VWA8: variants seen among roughly 807,000 people sequenced by gnomAD.
VWA8 encodes von Willebrand factor A domain containing 8, also known as von Willebrand factor A domain-containing protein 8.
In VWA8, 221 loss-of-function variants were observed where a neutral mutation model predicts 241.5. The ratio of observed to expected loss-of-function variants is 0.91; its 90% CI spans 0.82 to 1.02. VWA8 has a LOEUF of 1.02. Ranked by LOEUF, VWA8 falls within the 50% of genes least tolerant of loss-of-function variation. The pLI, the probability that VWA8 is intolerant of heterozygous loss-of-function variation, is 0.00. For synonymous variants in VWA8, 852 were observed against 827.1 expected (o/e 1.03, Z -0.52); for missense variants, 2,322 against 2,328.7 (o/e 1.00, Z 0.06).
chr13:41,874,122 C>G (rs1314310425), intron 9 of VWA8, among the ~76,000 whole-genome samples: 2 of 151,538 alleles, frequency 1.3e-5, no homozygotes, highest in East Asian at 1.9e-4. Flanking sequence ...AGGCCTTTGA[C>G]AAAATTCAAC....
chr13:41,590,072 A>G (rs2044444520), intron 41 of VWA8, among the ~76,000 whole-genome samples: 1 of 152,098 alleles, frequency 6.6e-6, no homozygotes, highest in Admixed American at 6.5e-5. Flanking sequence ...GGCCCCTACA[A>G]TCACATCAGC....
chr13:41,959,493 C>CA (rs59960898), intron 1 of VWA8, among the ~76,000 whole-genome samples: 24,937 of 76,416 alleles, frequency 0.33, 2,868 homozygotes, highest in Middle Eastern at 0.38. Context: ...TGAGAAAAAG[C>CA]AAAAAAAAAA....
chr13:41,599,328 G>C (rs2044507546), intron 40 of VWA8, among the ~76,000 whole-genome samples: 1 of 151,852 alleles, frequency 6.6e-6, no homozygotes, highest in South Asian at 2.1e-4. Context: ...TATTATTTCT[G>C]CTTGCTTCTT....
In VWA8 at chr13:41,887,273, C is replaced by A; in HGVS notation, c.740G>T (p.Arg247Met). Residue 247 changes from arginine (R) to methionine (M), a missense_variant, in exon 6 of 45, where the codon AGG becomes ATG. Arg to Met is a moderately conservative substitution (Grantham distance 91, BLOSUM62 -1). Coordinates refer to ENST00000379310, the MANE Select transcript of VWA8 (RefSeq NM_015058.2). ...RVIALGLPVP[R>M]YSGNPLDPPL... Reference sequence around the variant, plus strand: ...GGGGTCTAATGGATTCCCAGAATACCTTGGCACTGGCAAGCCCAAGGCAAT... The same window carrying A: ...GGGGTCTAATGGATTCCCAGAATACATTGGCACTGGCAAGCCCAAGGCAAT... The A allele has an allele frequency of 6.2e-7, 1 of 1,613,486 alleles. No individual in the cohort carries two copies. Among genetic ancestry groups the A allele is most frequent in the Non-Finnish European group, 8.5e-7 (1 of 1,179,796 alleles).
At chr13:41,728,922 A>T (rs1473001456) in intron 23 of VWA8, among the ~76,000 whole-genome samples, 1 of 152,086 alleles carries the variant, frequency 6.6e-6, no homozygotes, top group Admixed American at 6.6e-5. Context: ...AAGTCCTTTC[A>T]GGACACAAAC....
chr13:41,925,434 T>C (rs1486189519), intron 2 of VWA8, among the ~76,000 whole-genome samples: 1 of 152,222 alleles, frequency 6.6e-6, no homozygotes, highest in Non-Finnish European at 1.5e-5. Flanking sequence ...CAGTCAAAAA[T>C]AACTAAAGCT....
At chr13:41,752,494 C>T (rs1276611394) in intron 21 of VWA8, among the ~76,000 whole-genome samples, 2 of 152,080 alleles carry the variant, frequency 1.3e-5, no homozygotes, top group Non-Finnish European at 2.9e-5. Flanking sequence ...CATCCAGTGC[C>T]TAAAACAGAC....
intron 21 of VWA8, among the ~76,000 whole-genome samples, chr13:41,756,177 G>C (rs7990279): frequency 0.26 from 38,944 of 151,338 alleles, 5,854 homozygotes; most frequent in Non-Finnish European, 0.33. Context: ...ATAACTTTAC[G>C]CCAATAATTA....
intron 9 of VWA8, among the ~76,000 whole-genome samples, chr13:41,868,933 A>G (rs1177606438): frequency 1.3e-5 from 2 of 151,700 alleles, no homozygotes; most frequent in East Asian, 1.9e-4. Context: ...GAGGTTAAAA[A>G]AAGTTAACGA....
intron 2 of VWA8, among the ~76,000 whole-genome samples, chr13:41,937,220 G>A (rs573404810): frequency 6.6e-6 from 1 of 152,116 alleles, no homozygotes; most frequent in Admixed American, 6.6e-5. Context: ...GGAGGGAAAT[G>A]GTTTCAGGAT....
intron 17 of VWA8, among the ~76,000 whole-genome samples, chr13:41,808,390 G>C (rs1343162324): frequency 6.6e-6 from 1 of 152,140 alleles, no homozygotes; most frequent in Admixed American, 6.5e-5. Context: ...GAGGCTTTAG[G>C]AAACTTAAAA....
At chr13:41,729,752 T>C (rs2045466577) in intron 22 of VWA8, 75 bp from the exon 23 acceptor site, 6 of 1,500,254 alleles carry the variant, frequency 4.0e-6, no homozygotes, top group Non-Finnish European at 5.4e-6. Flanking sequence ...CTTACTGCTT[T>C]GGACTTATAA....
chr13:41,710,117 G>A (rs2045307260), intron 26 of VWA8, among the ~76,000 whole-genome samples: 2 of 152,206 alleles, frequency 1.3e-5, no homozygotes, highest in East Asian at 1.9e-4. Flanking sequence ...CCAACATTTT[G>A]ACCTACTTGT....
At chr13:41,851,528 G>A (rs1314670156) in intron 12 of VWA8, among the ~76,000 whole-genome samples, 2 of 152,092 alleles carry the variant, frequency 1.3e-5, no homozygotes, top group African/African-American at 2.4e-5. Context: ...GGTCTTTCTC[G>A]TGCTGTTCTC....
rs573233112 is a variant in VWA8, at chr13:41,833,564, A to G, written c.1426-33T>C. ...AAATCCCCACCACCCAACAAAGAACATGACGAATTAATTTTTAAGACATGC... is the reference window on the plus strand; with the variant it reads ...AAATCCCCACCACCCAACAAAGAACGTGACGAATTAATTTTTAAGACATGC... On this transcript the variant is annotated intron_variant, in intron 12 of 44. Transcript: ENST00000379310. 1,130 of 1,552,846 alleles carry G rather than the reference A, an allele frequency of 7.3e-4. 23 individuals carry two copies. In the South Asian group the frequency reaches 0.013, roughly 18 times the overall value.
intron 18 of VWA8, among the ~76,000 whole-genome samples, chr13:41,786,223 T>TAA (rs1869182836): frequency 1.3e-5 from 2 of 152,260 alleles, no homozygotes; most frequent in East Asian, 1.9e-4. Flanking sequence ...TCTATATATA[T>TAA]AATGATGTAA....
rs34852903 is a variant in VWA8 at position 41,800,793 on chromosome 13, C to CAA, written c.2063+10430_2063+10431dup. On this transcript the variant is annotated intron_variant, in intron 17 of 44. Transcript: ENST00000379310. ...GGGTGACAGAGCGAGACTCCATCTC[C>CAA]AAAAAAAAAAAAAAAAACACCGTGT... is the stretch of plus-strand genomic sequence containing the variant. 2.6e-3 allele frequency among the ~76,000 whole-genome samples: 213 copies of CAA among 81,004 alleles called. 1 individual carries two copies. Among genetic ancestry groups the CAA allele is most frequent in the Middle Eastern group, 0.013 (2 of 154 alleles). The allele number at this position is 81,004 out of a possible 152,430, so 53.1% of individuals were successfully genotyped here. A position where few individuals can be genotyped will look rare whatever the true frequency, so the allele number is the denominator to read the frequency against.
chr13:41,696,723 T>C (rs375715589), intron 29 of VWA8, among the ~76,000 whole-genome samples: 15 of 150,832 alleles, frequency 9.9e-5, no homozygotes, highest in African/African-American at 2.7e-4. Flanking sequence ...CATTTAACAA[T>C]TGATCCTTAT....
intron 14 of VWA8, among the ~76,000 whole-genome samples, chr13:41,827,168 G>A (rs529883844): frequency 1.3e-5 from 2 of 152,216 alleles, no homozygotes; most frequent in South Asian, 2.1e-4. Flanking sequence ...TGCAAGAAAG[G>A]AAAATGAGTG....
Sources: allele counts gnomAD v4.1 joint callset (sites outside exome capture counted in the v4.1 genomes callset), GRCh38; gene constraint gnomAD v4.1.1; transcripts MANE v1.5; gene names NCBI Gene and HGNC (gene_info 2026-07-23, HGNC 2026-07-21).